Variants in PTPRO observed in about 807,000 individuals in gnomAD.
PTPRO encodes the protein protein tyrosine phosphatase receptor type O.
In PTPRO, 62 loss-of-function variants were observed where a neutral mutation model predicts 145.2. That is an observed-to-expected ratio of 0.43 (90% CI 0.35 to 0.53). The LOEUF (loss-of-function observed/expected upper bound fraction) is 0.53, where lower values mean the gene tolerates loss of function less well. Ranked by LOEUF, PTPRO falls within the 20% of genes least tolerant of loss-of-function variation. The pLI is 0.01. For synonymous variants in PTPRO, 565 were observed against 514.7 expected, an observed-to-expected ratio of 1.10 and a Z score of -1.32; for missense variants, 1,345 against 1,482.7, an observed-to-expected ratio of 0.91 and a Z score of 1.53.
rs959057018 is a variant in PTPRO at position 15,551,571 on chromosome 12, G to A, written c.2458G>A (p.Val820Met). The A allele has an allele frequency of 1.2e-6, 2 of 1,613,568 alleles. No homozygotes were observed. Among genetic ancestry groups the A allele is most frequent in the Admixed American group, 1.7e-5 (1 of 60,008 alleles). The change falls in exon 15 of 27, where the codon GTG (valine) becomes ATG (methionine). Residue 820 changes from valine to methionine, a missense_variant. Val to Met is a conservative substitution (Grantham distance 21). Coordinates refer to ENST00000281171, the MANE Select transcript of PTPRO (RefSeq NM_030667.3). ...TTTAGTTACAGAGATGAATCCCAAT[G>A]TGGTAGTGATCTCCGTGCTGGCCAT... is the stretch of plus-strand genomic sequence containing the variant. ...STMVTEMNPN[V>M]VVISVLAILS...
chr12:15,477,196 T>C (rs1941673531), intron 1 of PTPRO, among the ~76,000 whole-genome samples: 1 of 90,662 alleles, frequency 1.1e-5, no homozygotes, highest in African/African-American at 4.4e-5. Context: ...TTCATGTCCT[T>C]TGTAGGGACA....
intron 17 of PTPRO, among the ~76,000 whole-genome samples, chr12:15,562,751 T>A (rs1943805836): frequency 6.6e-6 from 1 of 151,806 alleles, no homozygotes; most frequent in South Asian, 2.1e-4. Flanking sequence ...CTTTTTTTTT[T>A]TTTTTACTGC....
At chr12:15,332,491 T>C (rs1591708172) in intron 1 of PTPRO, among the ~76,000 whole-genome samples, 1 of 152,238 alleles carries the variant, frequency 6.6e-6, no homozygotes, top group East Asian at 1.9e-4. Context: ...TAATTGTACA[T>C]GTAAAATGTT....
At chr12:15,445,489 G>C (rs1011544851) in intron 1 of PTPRO, among the ~76,000 whole-genome samples, 1 of 152,062 alleles carries the variant, frequency 6.6e-6, no homozygotes, top group African/African-American at 2.4e-5. Flanking sequence ...GAAAATGAAA[G>C]GAGTGAAGTT....
At chr12:15,388,644 A>C (rs1279470706) in intron 1 of PTPRO, among the ~76,000 whole-genome samples, 2 of 152,206 alleles carry the variant, frequency 1.3e-5, no homozygotes, top group Non-Finnish European at 2.9e-5. Flanking sequence ...TTTTAGGAGG[A>C]TAGATAACAG....
intron 2 of PTPRO, among the ~76,000 whole-genome samples, chr12:15,486,921 G>A (rs781546190): frequency 3.3e-5 from 5 of 151,972 alleles, no homozygotes; most frequent in Non-Finnish European, 5.9e-5. Context: ...GGAGTGAGTC[G>A]ATCTAGTCAA....
At chr12:15,335,180 G>T (rs1258446938) in intron 1 of PTPRO, among the ~76,000 whole-genome samples, 3 of 151,958 alleles carry the variant, frequency 2.0e-5, no homozygotes, top group African/African-American at 7.2e-5. Context: ...AATACATATT[G>T]ACACCATCAC....
At chr12:15,518,735 C>G (rs1486927563) in intron 9 of PTPRO, among the ~76,000 whole-genome samples, 1 of 152,180 alleles carries the variant, frequency 6.6e-6, no homozygotes, top group African/African-American at 2.4e-5. Flanking sequence ...CTGCCAGTGT[C>G]TTTGCTAAAA....
intron 26 of PTPRO, chr12:15,595,560 C>T (rs2058781): frequency 0.94 from 152,462 of 162,928 alleles, 72,132 homozygotes; most frequent in East Asian, 1. Flanking sequence ...TGAGCCCTTA[C>T]TTGAGAGCTT....
chr12:15,492,126 G>A (rs1284699423), intron 2 of PTPRO, among the ~76,000 whole-genome samples: 1 of 152,140 alleles, frequency 6.6e-6, no homozygotes, highest in Non-Finnish European at 1.5e-5. Context: ...ATGTCTTGCT[G>A]TAGACTGGGT....
At chr12:15,329,556 A>C (rs1030077721) in intron 1 of PTPRO, among the ~76,000 whole-genome samples, 1 of 152,200 alleles carries the variant, frequency 6.6e-6, no homozygotes, top group Non-Finnish European at 1.5e-5. Flanking sequence ...GCCAAAATGG[A>C]AAGATTGAGA....
chr12:15,524,212 A>G (rs527839116), intron 10 of PTPRO, among the ~76,000 whole-genome samples: 3 of 150,122 alleles, frequency 2.0e-5, no homozygotes, highest in South Asian at 2.1e-4. Context: ...CTCACTACTC[A>G]CTCAGCAACA....
intron 11 of PTPRO, 68 bp downstream of exon 11, chr12:15,525,033 A>G (rs1942808906): frequency 6.4e-7 from 1 of 1,560,152 alleles, no homozygotes; most frequent in African/African-American, 1.4e-5. Flanking sequence ...GAAAACCACT[A>G]AGCAATCATT....
intron 19 of PTPRO, among the ~76,000 whole-genome samples, chr12:15,573,965 A>G (rs900114207): frequency 2.0e-5 from 3 of 152,322 alleles, no homozygotes; most frequent in Admixed American, 2.0e-4. Context: ...AGATGGCCAA[A>G]TCACCTTGGT....
intron 1 of PTPRO, among the ~76,000 whole-genome samples, chr12:15,460,515 T>C (rs1941277921): frequency 6.6e-6 from 1 of 152,218 alleles, no homozygotes; most frequent in African/African-American, 2.4e-5. Context: ...GAGTCTTCAT[T>C]GCCTGTTAGA....
chr12:15,350,395 T>C (rs1937763308), intron 1 of PTPRO, among the ~76,000 whole-genome samples: 1 of 152,154 alleles, frequency 6.6e-6, no homozygotes, highest in Non-Finnish European at 1.5e-5. Flanking sequence ...AGTAAATACT[T>C]TGCTTTAGAC....
chr12:15,380,648 T>C (rs1017600504), intron 1 of PTPRO, among the ~76,000 whole-genome samples: 21 of 152,180 alleles, frequency 1.4e-4, no homozygotes, highest in Non-Finnish European at 2.8e-4. Context: ...TATCTCAATT[T>C]GGTTTGGAAT....
chr12:15,440,358 G>A lies in PTPRO; in HGVS notation c.76-43616G>A, dbSNP rs376579533. 8 of 410,166 alleles carry A rather than the reference G, an allele frequency of 2.0e-5. No homozygotes were observed. The East Asian group carries it at 2.7e-4, about 14-fold the overall frequency. The allele number at this position is 410,166 out of a possible 1,614,324, so 25.4% of individuals were successfully genotyped here. On this transcript the variant is annotated intron_variant, in intron 1 of 26. Coordinates refer to ENST00000281171, the MANE Select transcript of PTPRO (RefSeq NM_030667.3). ...GAGCACTTCTTCAAGACCCACACCA[G>A]AGTCTCCATGCAGAGGACTGAGGCT...
intron 1 of PTPRO, among the ~76,000 whole-genome samples, chr12:15,377,172 C>A (rs1299954757): frequency 6.6e-6 from 1 of 151,752 alleles, no homozygotes; most frequent in South Asian, 2.1e-4. Flanking sequence ...TCCAGAGCAA[C>A]CACTAAGAAA....
Sources: allele counts gnomAD v4.1 joint callset (sites outside exome capture counted in the v4.1 genomes callset), GRCh38; gene constraint gnomAD v4.1.1; transcripts MANE v1.5; gene names NCBI Gene and HGNC (gene_info 2026-07-23, HGNC 2026-07-21).